Variants in ADARB2 observed in about 807,000 individuals in gnomAD.
The protein encoded by ADARB2 is inactive double-stranded RNA-specific editase B2.
ADARB2 carries 25 observed loss-of-function variants against 62.2 expected under a neutral mutation model. The ratio of observed to expected loss-of-function variants is 0.40; its 90% CI spans 0.29 to 0.56. ADARB2 has a LOEUF of 0.56. ADARB2 is among the 20% of genes least tolerant of loss of function. ADARB2 has a pLI of 0.43. For missense variants in ADARB2, 1,071 were observed against 1,077.4 expected, an observed-to-expected ratio of 0.99 and a Z score of 0.08; for synonymous variants, 572 against 500.8, an observed-to-expected ratio of 1.14 and a Z score of -1.90.
At chr10:1,241,978 TC>T (rs1433003147) in intron 5 of ADARB2, among the ~76,000 whole-genome samples, 152 bp downstream of exon 5, 1 of 152,184 alleles carries the variant, frequency 6.6e-6, no homozygotes, top group African/African-American at 2.4e-5. Context: ...GCCAGGGATG[TC>T]TCTAGTCTGA....
chr10:1,483,967 A>G (rs1398819733), intron 1 of ADARB2, among the ~76,000 whole-genome samples: 4 of 152,182 alleles, frequency 2.6e-5, no homozygotes, highest in Admixed American at 6.5e-5. Context: ...TCATTTATTA[A>G]CAATGCAGAT....
At chr10:1,665,967 G>C (rs778531331) in intron 1 of ADARB2, among the ~76,000 whole-genome samples, 1 of 151,782 alleles carries the variant, frequency 6.6e-6, no homozygotes, top group Admixed American at 6.6e-5. Flanking sequence ...GGCTTAGCCC[G>C]ACATTCAGGG....
chr10:1,339,770 G>A (rs939134982), intron 3 of ADARB2, among the ~76,000 whole-genome samples: 3 of 152,316 alleles, frequency 2.0e-5, no homozygotes, highest in East Asian at 3.9e-4. Flanking sequence ...AACATCCATC[G>A]ATAGCAGGTG....
rs144533631 is a variant in ADARB2 at position 1,233,710 on chromosome 10, G to A, written c.1497C>T (p.Tyr499=). ...GTCTCTTACGGTCTGTGGTGATCTCGTAGGGAGAGTGGAGTCTTGCGTCTC... is the reference window on the plus strand; with the variant it reads ...GTCTCTTACGGTCTGTGGTGATCTCATAGGGAGAGTGGAGTCTTGCGTCTC... The part of the protein sequence containing the change: ...PCGDARLHSP[Y]EITTDLHSSK... Residue 499 remains tyrosine, a synonymous_variant, in exon 6 of 10, where the codon TAC becomes TAT. Coordinates refer to ENST00000381312, the MANE Select transcript of ADARB2 (RefSeq NM_018702.4). The A allele has an allele frequency of 3.3e-4, 525 of 1,613,710 alleles. 1 individual carries two copies. Among genetic ancestry groups the A allele is most frequent in the Admixed American group, 4.3e-4 (26 of 59,974 alleles).
chr10:1,224,258 A>T (rs1830723548), intron 6 of ADARB2, among the ~76,000 whole-genome samples: 1 of 151,946 alleles, frequency 6.6e-6, no homozygotes, highest in Non-Finnish European at 1.5e-5. Context: ...TTTCTGTGGG[A>T]TCGGTGGTGA....
At chr10:1,405,765 A>G (rs1248247445) in intron 1 of ADARB2, among the ~76,000 whole-genome samples, 2 of 152,072 alleles carry the variant, frequency 1.3e-5, no homozygotes, top group East Asian at 3.9e-4. Flanking sequence ...AACCCCCTAG[A>G]TACACCTGTT....
At chr10:1,311,332 G>A (rs1395043803) in intron 3 of ADARB2, among the ~76,000 whole-genome samples, 2 of 152,162 alleles carry the variant, frequency 1.3e-5, no homozygotes, top group Admixed American at 1.3e-4. Context: ...CTTTTGGGGA[G>A]GAAAAAGCCT....
intron 2 of ADARB2, among the ~76,000 whole-genome samples, chr10:1,377,620 C>A (rs1832445870): frequency 1.3e-5 from 2 of 151,998 alleles, no homozygotes; most frequent in African/African-American, 4.8e-5. Context: ...ATGGACTCAT[C>A]TGGAAATTTT....
At chr10:1,210,508 C>T (rs928971193) in intron 7 of ADARB2, among the ~76,000 whole-genome samples, 28 of 152,342 alleles carry the variant, frequency 1.8e-4, no homozygotes, top group African/African-American at 6.7e-4. Flanking sequence ...ACACATACCT[C>T]TGGAGCCCTG....
intron 3 of ADARB2, among the ~76,000 whole-genome samples, chr10:1,318,766 G>A (rs770230647): frequency 5.9e-5 from 9 of 152,106 alleles, no homozygotes; most frequent in Non-Finnish European, 1.0e-4. Context: ...GGAATCTCTC[G>A]TTACTGTGTT....
At chr10:1,701,717 A>G (rs9663271) in intron 1 of ADARB2, among the ~76,000 whole-genome samples, 570 of 6,688 alleles carry the variant, frequency 0.085, no homozygotes, top group East Asian at 0.11. Flanking sequence ...GAGACCAGGC[A>G]CTCGCCAATA....
At chr10:1,456,455 G>C (rs994514649) in intron 1 of ADARB2, among the ~76,000 whole-genome samples, 2 of 152,054 alleles carry the variant, frequency 1.3e-5, no homozygotes, top group East Asian at 3.9e-4. Context: ...CCAGTTCTTG[G>C]CTCTCATGCC....
intron 1 of ADARB2, among the ~76,000 whole-genome samples, chr10:1,623,054 G>A (rs1036942352): frequency 2.6e-5 from 4 of 152,282 alleles, no homozygotes; most frequent in African/African-American, 9.6e-5. Flanking sequence ...ACATTGTGCT[G>A]AGCAGGAGTT....
intron 1 of ADARB2, among the ~76,000 whole-genome samples, chr10:1,657,806 G>GGTCT (rs1288401017): frequency 6.6e-6 from 1 of 152,110 alleles, no homozygotes; most frequent in Non-Finnish European, 1.5e-5. Flanking sequence ...CCTCCCTCCC[G>GGTCT]GTCTTTCTCT....
At chr10:1,332,425 A>T (rs1831936907) in intron 3 of ADARB2, among the ~76,000 whole-genome samples, 3 of 151,524 alleles carry the variant, frequency 2.0e-5, no homozygotes, top group South Asian at 2.1e-4. Flanking sequence ...CAGAAAAAAA[A>T]AAAAAATAAA....
At chr10:1,188,411 G>A (rs1487412166) in intron 8 of ADARB2, among the ~76,000 whole-genome samples, 2 of 152,218 alleles carry the variant, frequency 1.3e-5, no homozygotes, top group African/African-American at 4.8e-5. Flanking sequence ...CGACCAACAA[G>A]CAAAGGTCAG....
intron 1 of ADARB2, among the ~76,000 whole-genome samples, chr10:1,732,969 C>A (rs1015634531): frequency 6.6e-6 from 1 of 152,228 alleles, no homozygotes; most frequent in Non-Finnish European, 1.5e-5. Context: ...TATAGAGCTA[C>A]CTCGTGCTCA....
At chr10:1,438,799 T>C (rs1359059316) in intron 1 of ADARB2, among the ~76,000 whole-genome samples, 3 of 142,554 alleles carry the variant, frequency 2.1e-5, no homozygotes, top group Admixed American at 2.1e-4. Flanking sequence ...CCCTTCATGA[T>C]GGGGCTCCTG....
rs541563944 is a variant in ADARB2, at chr10:1,656,582, T to C, written c.100+80469A>G. The stretch of plus-strand genomic sequence containing the variant: ...ATAATATACAACTCTATTCCTCTAG[T>C]GCGTGGTCTTGTGAATGACGCACAC... On this transcript the variant is annotated intron_variant, in intron 1 of 9. Coordinates refer to ENST00000381312, the MANE Select transcript of ADARB2 (RefSeq NM_018702.4). 5.3e-5 allele frequency among the ~76,000 whole-genome samples: 8 copies of C among 152,096 alleles called. No homozygotes were observed. In the East Asian group the frequency reaches 1.4e-3, roughly 26 times the overall value.
Sources: gnomAD v4.1 joint callset for allele counts (sites outside exome capture counted in the v4.1 genomes callset) on GRCh38, gnomAD v4.1.1 for gene constraint, MANE v1.5 for transcripts, NCBI Gene and HGNC (gene_info 2026-07-23, HGNC 2026-07-21) for gene names.